Variants in TMCO6 observed in about 807,000 individuals in gnomAD.
The protein encoded by TMCO6 is transmembrane and coiled-coil domains 6.
Under a neutral mutation model 61.8 loss-of-function variants are expected in TMCO6, and 47 were observed. The ratio of observed to expected loss-of-function variants is 0.76; its 90% CI spans 0.60 to 0.97. The LOEUF (loss-of-function observed/expected upper bound fraction) is 0.97, where lower values mean the gene tolerates loss of function less well. TMCO6 is among the 50% of genes least tolerant of loss of function. The pLI, the probability that TMCO6 is intolerant of heterozygous loss-of-function variation, is 0.00. For missense variants in TMCO6, 557 were observed against 601.6 expected (o/e 0.93, Z 0.78); for synonymous variants, 261 against 254.2 (o/e 1.03, Z -0.25).
At chr5:140,608,924 A>G in the TMCO6 span, among the ~76,000 whole-genome samples, 1 of 152,212 alleles carries the variant, frequency 6.6e-6, no homozygotes, top group African/African-American at 2.4e-5. Flanking sequence ...TGAAATCAGG[A>G]AGTGTGAGTC....
chr5:140,605,985 C>T, the TMCO6 span, among the ~76,000 whole-genome samples: 11 of 152,066 alleles, frequency 7.2e-5, no homozygotes, highest in South Asian at 1.7e-3. Context: ...GTTGGCATAT[C>T]GTGTTCAAAA....
chr5:140,623,251 A>G, the TMCO6 span, among the ~76,000 whole-genome samples: 1 of 152,166 alleles, frequency 6.6e-6, no homozygotes, highest in Non-Finnish European at 1.5e-5. Context: ...CTGTTTCCCT[A>G]GCTGTGCAGC....
the TMCO6 span, among the ~76,000 whole-genome samples, chr5:140,620,997 A>G: frequency 1.3e-5 from 2 of 152,118 alleles, no homozygotes; most frequent in Non-Finnish European, 2.9e-5. Context: ...TGGGGGACAG[A>G]GTGAGAACCC....
upstream of TMCO6, among the ~76,000 whole-genome samples, chr5:140,637,772 A>G (rs909528800): frequency 3.3e-5 from 5 of 152,132 alleles, no homozygotes; most frequent in African/African-American, 1.2e-4. Context: ...ATTCCTTTCT[A>G]TTGATTTCAG....
At chr5:140,621,726 C>A in the TMCO6 span, among the ~76,000 whole-genome samples, 1 of 152,150 alleles carries the variant, frequency 6.6e-6, no homozygotes, top group Non-Finnish European at 1.5e-5. Flanking sequence ...TGCTGAATTC[C>A]TTTTCTCAGC....
Position 140,642,623 on chromosome 5 carries a change from C to T in TMCO6, c.641C>T (p.Ala214Val), listed in dbSNP as rs1158174993. The T allele has an allele frequency of 3.7e-6, 6 of 1,614,114 alleles. No homozygotes were observed. Among genetic ancestry groups the T allele is most frequent in the Non-Finnish European group, 4.2e-6 (5 of 1,180,042 alleles). ...HVAVLEALGY[A>V]LSQLLQAEEA... ...GCTGTGCTGGAAGCTCTCGGATATG[C>T]CTTGTCCCAGCTTCTACAGGCTGAG... The change falls in exon 6 of 12, where the codon GCC (alanine) becomes GTC (valine). Residue 214 changes from alanine to valine, a missense_variant. Coordinates refer to ENST00000394671, the MANE Select transcript of TMCO6 (RefSeq NM_018502.5).
At chr5:140,626,304 C>A in the TMCO6 span, among the ~76,000 whole-genome samples, 2 of 151,230 alleles carry the variant, frequency 1.3e-5, no homozygotes, top group African/African-American at 4.9e-5. Flanking sequence ...TAATGTCAAA[C>A]CCAATTCTTA....
In TMCO6 at chr5:140,639,501, C is replaced by G. The variant is rs1369102834; in HGVS notation, c.-27C>G. On this transcript the variant is annotated 5_prime_UTR_variant, in exon 1 of 12. Coordinates refer to ENST00000394671, the MANE Select transcript of TMCO6 (RefSeq NM_018502.5). ...CTGGGAGCGTTGTGGCTGCTGTTTCCTTCGGCTTTCCTCCTCCTGCTCCAC... is the reference window on the plus strand; with the variant it reads ...CTGGGAGCGTTGTGGCTGCTGTTTCGTTCGGCTTTCCTCCTCCTGCTCCAC... 1.3e-6 allele frequency: 2 copies of G among 1,548,408 alleles called. No individual in the cohort carries two copies. The highest frequency in any genetic ancestry group is 3.9e-5 in the Admixed American group (2 of 50,952).
chr5:140,599,900 T>G, the TMCO6 span, among the ~76,000 whole-genome samples: 1 of 151,206 alleles, frequency 6.6e-6, no homozygotes, highest in Non-Finnish European at 1.5e-5. Context: ...AGAGCAAGGC[T>G]CCATCTCAAA....
At chr5:140,625,384 G>A in the TMCO6 span, among the ~76,000 whole-genome samples, 1 of 152,138 alleles carries the variant, frequency 6.6e-6, no homozygotes, top group Non-Finnish European at 1.5e-5. Context: ...CTATCTCTCT[G>A]ATATCATTGC....
In TMCO6 at chr5:140,641,620, C is replaced by G. The variant is rs1389362160; in HGVS notation, c.199-45C>G. ...TGGGCAGAGAGAGACTTAGGACTTG[C>G]TTTCTGTGAACCGTGTGTTCTCCTT... is the stretch of plus-strand genomic sequence containing the variant. On this transcript the variant is annotated intron_variant, in intron 2 of 11. Coordinates refer to ENST00000394671, the MANE Select transcript of TMCO6 (RefSeq NM_018502.5). The G allele has an allele frequency of 3.8e-6, 6 of 1,566,132 alleles. No homozygotes were observed. In the Admixed American group the frequency reaches 1.0e-4, roughly 27 times the overall value.
chr5:140,642,578 A>G lies in TMCO6; in HGVS notation c.604-8A>G, dbSNP rs1757106827. ...TTCCAGTCAGATCCTTACCCTGTCT[A>G]CTTCCAGTCCCCCCATGTGGCTGTG... On this transcript the variant is annotated splice_polypyrimidine_tract_variant and splice_region_variant and intron_variant, in intron 5 of 11. Transcript: ENST00000394671. 1.4e-5 allele frequency: 22 copies of G among 1,613,980 alleles called. No individual in the cohort carries two copies. Among genetic ancestry groups the G allele is most frequent in the Middle Eastern group, 1.6e-4 (1 of 6,084 alleles).
upstream of TMCO6, among the ~76,000 whole-genome samples, chr5:140,638,561 CTTTCTT>C (rs768708941): frequency 5.2e-4 from 70 of 133,396 alleles, no homozygotes; most frequent in Middle Eastern, 3.8e-3. Context: ...TTCTTTCTTT[CTTTCTT>C]TTTTTTTTTT....
At chr5:140,647,360 T>TCC, downstream of TMCO6, 1 of 1,610,496 alleles carries the variant, frequency 6.2e-7, no homozygotes, top group Non-Finnish European at 8.5e-7. Flanking sequence ...CTCAATGAAG[T>TCC]CCCTGCGGGG....
the TMCO6 span, among the ~76,000 whole-genome samples, chr5:140,630,327 T>TG: frequency 6.6e-6 from 1 of 151,942 alleles, no homozygotes; most frequent in East Asian, 1.9e-4. Context: ...TTTTTTTTTT[T>TG]GCAATCAGAT....
the TMCO6 span, among the ~76,000 whole-genome samples, chr5:140,605,555 C>G: frequency 6.6e-6 from 1 of 152,038 alleles, no homozygotes; most frequent in Non-Finnish European, 1.5e-5. Flanking sequence ...TGGTGGGTGC[C>G]TGTAATCCCA....
chr5:140,613,923 G>A, the TMCO6 span, among the ~76,000 whole-genome samples: 3 of 151,280 alleles, frequency 2.0e-5, no homozygotes, highest in Non-Finnish European at 2.9e-5. Context: ...TTTTGAGAAG[G>A]AGTCTCACTC....
At chr5:140,599,436 A>G in the TMCO6 span, among the ~76,000 whole-genome samples, 1 of 152,240 alleles carries the variant, frequency 6.6e-6, no homozygotes, top group South Asian at 2.1e-4. Context: ...ACCACCCATG[A>G]ATCAGTAAAA....
chr5:140,645,483 G>T, downstream of TMCO6: 1 of 1,449,916 alleles, frequency 6.9e-7, no homozygotes. Context: ...GTATTTTACA[G>T]CACAAGCTTT....
Sources: allele counts gnomAD v4.1 joint callset (sites outside exome capture counted in the v4.1 genomes callset), GRCh38; gene constraint gnomAD v4.1.1; transcripts MANE v1.5; gene names NCBI Gene and HGNC (gene_info 2026-07-23, HGNC 2026-07-21).